Variants in OSBPL1A observed in about 807,000 individuals in gnomAD.
The protein encoded by OSBPL1A is oxysterol binding protein like 1A.
Under a neutral mutation model 137.1 loss-of-function variants are expected in OSBPL1A, and 80 were observed. The observed-to-expected ratio is 0.58, with a 90% CI of 0.49 to 0.70. The LOEUF (loss-of-function observed/expected upper bound fraction) is 0.70, where lower values mean the gene tolerates loss of function less well. Among genes scored for constraint, OSBPL1A ranks in the 30% least tolerant of loss-of-function variants. The pLI, the probability that OSBPL1A is intolerant of heterozygous loss-of-function variation, is 0.00. For synonymous variants in OSBPL1A, 365 were observed against 389.7 expected (o/e 0.94, Z 0.75); for missense variants, 970 against 1,129.4 (o/e 0.86, Z 2.02).
At chr18:24,311,604 A>G (rs1162509470) in intron 13 of OSBPL1A, 2 of 599,104 alleles carry the variant, frequency 3.3e-6, no homozygotes, top group African/African-American at 2.0e-5. Flanking sequence ...AGGTATCACT[A>G]TGGTTGCATT....
chr18:24,288,293 T>G (rs2588556), intron 14 of OSBPL1A, among the ~76,000 whole-genome samples: 99,989 of 152,050 alleles, frequency 0.66, 34,476 homozygotes, highest in African/African-American at 0.83. Flanking sequence ...GAAGGAATAG[T>G]TAAGAGAGGA....
At chr18:24,363,971 A>G (rs1456183263) in intron 4 of OSBPL1A, among the ~76,000 whole-genome samples, 6 of 136,712 alleles carry the variant, frequency 4.4e-5, no homozygotes, top group African/African-American at 1.6e-4. Context: ...TGTGATTACA[A>G]TGGGCCCACC....
chr18:24,190,358 A>G (rs1439417673), intron 18 of OSBPL1A, among the ~76,000 whole-genome samples: 1 of 151,218 alleles, frequency 6.6e-6, no homozygotes, highest in African/African-American at 2.4e-5. Flanking sequence ...AAAAAAAAAA[A>G]AAAAAAAAAA....
intron 4 of OSBPL1A, among the ~76,000 whole-genome samples, chr18:24,345,096 G>T (rs563025850): frequency 1.3e-5 from 2 of 151,918 alleles, no homozygotes; most frequent in East Asian, 3.9e-4. Context: ...GGGACTACAG[G>T]CATGAGCCAC....
At chr18:24,199,261 G>A (rs1033428438) in intron 17 of OSBPL1A, among the ~76,000 whole-genome samples, 2 of 152,138 alleles carry the variant, frequency 1.3e-5, no homozygotes, top group Non-Finnish European at 2.9e-5. Context: ...CAGTGCTAAG[G>A]GACGTGCAAA....
At chr18:24,211,490 T>C (rs995839476) in intron 17 of OSBPL1A, among the ~76,000 whole-genome samples, 11 of 152,244 alleles carry the variant, frequency 7.2e-5, no homozygotes, top group Admixed American at 3.9e-4. Context: ...GGCACATTTT[T>C]AGTAATATAA....
At chr18:24,227,871 C>T (rs1017490468) in intron 16 of OSBPL1A, among the ~76,000 whole-genome samples, 1 of 152,074 alleles carries the variant, frequency 6.6e-6, no homozygotes, top group Non-Finnish European at 1.5e-5. Context: ...ATTTAGAAGT[C>T]ATGAAAATCA....
intron 21 of OSBPL1A, among the ~76,000 whole-genome samples, chr18:24,174,800 G>A (rs950333310): frequency 4.0e-5 from 6 of 151,694 alleles, no homozygotes; most frequent in African/African-American, 1.2e-4. Flanking sequence ...TAGAGATGAG[G>A]TCTTATTCTA....
chr18:24,318,702 T>A (rs776813507), intron 8 of OSBPL1A, 46 bp downstream of exon 8: 26 of 1,593,838 alleles, frequency 1.6e-5, no homozygotes, highest in Non-Finnish European at 2.0e-5. Context: ...CATTCAAAAA[T>A]TTTTTTCTAA....
intron 5 of OSBPL1A, 117 bp from the exon 6 acceptor site, chr18:24,334,447 T>A (rs1229357170): frequency 1.6e-6 from 1 of 616,054 alleles, no homozygotes; most frequent in Admixed American, 3.8e-5. Flanking sequence ...GTAATTCAAA[T>A]GCAGTTAAAA....
chr18:24,260,014 A>G (rs2089403618), intron 15 of OSBPL1A, among the ~76,000 whole-genome samples: 1 of 152,188 alleles, frequency 6.6e-6, no homozygotes, highest in Non-Finnish European at 1.5e-5. Context: ...AATCCAATTA[A>G]AAAATGGGCA....
intron 4 of OSBPL1A, chr18:24,358,602 A>G: frequency 1.5e-6 from 1 of 689,042 alleles, no homozygotes; most frequent in South Asian, 1.5e-5. Context: ...CGCCTGAAAC[A>G]CAGTAGGCCT....
chr18:24,237,486 G>C (rs1260260243), intron 16 of OSBPL1A, among the ~76,000 whole-genome samples: 3 of 152,062 alleles, frequency 2.0e-5, no homozygotes, highest in Admixed American at 2.0e-4. Context: ...TGTATTTTCA[G>C]TAGAGACGGG....
intron 18 of OSBPL1A, among the ~76,000 whole-genome samples, chr18:24,193,487 C>CAAAAA (rs61065111): frequency 1.3e-5 from 1 of 78,900 alleles, no homozygotes. Flanking sequence ...GACTCCGACT[C>CAAAAA]AAAAAAAAAA....
At chr18:24,272,934 C>A (rs1298289248) in intron 15 of OSBPL1A, among the ~76,000 whole-genome samples, 1 of 152,088 alleles carries the variant, frequency 6.6e-6, no homozygotes, top group Non-Finnish European at 1.5e-5. Flanking sequence ...GAGACAGAGT[C>A]TTGCTCTGTC....
intron 17 of OSBPL1A, among the ~76,000 whole-genome samples, chr18:24,217,441 A>C (rs1483719374): frequency 6.6e-6 from 1 of 152,000 alleles, no homozygotes; most frequent in African/African-American, 2.4e-5. Context: ...TATTTTTAGC[A>C]GAGACAGAGT....
chr18:24,368,788 C>T (rs564144570), intron 2 of OSBPL1A, among the ~76,000 whole-genome samples: 1 of 152,294 alleles, frequency 6.6e-6, no homozygotes, highest in East Asian at 1.9e-4. Flanking sequence ...AGGCAGCTCA[C>T]AGCAACTCTC....
At position 24,261,572 on chromosome 18, in the gene OSBPL1A, C is replaced by G. The variant is rs148774751; in HGVS notation, c.1281+19270G>C. Among the ~76,000 whole-genome samples, 696 of 152,280 alleles carry G rather than the reference C, an allele frequency of 4.6e-3. 4 individuals carry two copies. Among genetic ancestry groups the G allele is most frequent in the African/African-American group, 0.016 (662 of 41,556 alleles). ...TTTGGGCTGGACATGATGGCTCACA[C>G]CCGTAATCCCAGCACTCTGGGAGGC... On this transcript the variant is annotated intron_variant, in intron 15 of 27. Coordinates refer to ENST00000319481, the MANE Select transcript of OSBPL1A (RefSeq NM_080597.4).
At chr18:24,266,496 G>A (rs1162778356) in intron 15 of OSBPL1A, among the ~76,000 whole-genome samples, 1 of 152,100 alleles carries the variant, frequency 6.6e-6, no homozygotes, top group Non-Finnish European at 1.5e-5. Flanking sequence ...AAGGGGATGA[G>A]GGTCATTCTT....
Sources: gnomAD v4.1 joint callset for allele counts (sites outside exome capture counted in the v4.1 genomes callset) on GRCh38, gnomAD v4.1.1 for gene constraint, MANE v1.5 for transcripts, NCBI Gene and HGNC (gene_info 2026-07-23, HGNC 2026-07-21) for gene names.